Variants in ZNF469 observed in about 807,000 individuals in gnomAD.
ZNF469 encodes the protein zinc finger protein 469.
Under a neutral mutation model 1.0 loss-of-function variants are expected in ZNF469, and 1 was observed. The ratio of observed to expected loss-of-function variants is 1.00; its 90% CI spans 0.35 to 4.73. ZNF469 has a LOEUF of 4.73. Among genes scored for constraint, ZNF469 ranks in the 30% most tolerant of loss-of-function variants. ZNF469 has a pLI of 0.16. For missense variants in ZNF469, 6,100 were observed against 5,356.3 expected (o/e 1.14, Z -4.33); for synonymous variants, 2,703 against 2,363.4 (o/e 1.14, Z -4.17).
intron 1 of ZNF469, among the ~76,000 whole-genome samples, chr16:88,396,565 C>A: frequency 6.7e-6 from 1 of 149,710 alleles, no homozygotes; most frequent in East Asian, 2.0e-4. Context: ...TGAAGGGAGG[C>A]CAGATGGAGA....
At chr16:88,119,698 G>A in the ZNF469 span, among the ~76,000 whole-genome samples, 2 of 152,226 alleles carry the variant, frequency 1.3e-5, no homozygotes, top group Non-Finnish European at 1.5e-5. Context: ...AGCTCTGGAT[G>A]TGTGGGACTG....
At chr16:88,343,007 C>T in the ZNF469 span, among the ~76,000 whole-genome samples, 4 of 152,278 alleles carry the variant, frequency 2.6e-5, no homozygotes, top group South Asian at 2.1e-4. Flanking sequence ...CTGAGCTCCA[C>T]GTGGTCCACA....
In ZNF469 at chr16:88,384,861, T is replaced by C. The variant is rs573423620; in HGVS notation, c.-192+1607T>C. Among the ~76,000 whole-genome samples the C allele has an allele frequency of 1.1e-3, 175 of 152,196 alleles. 2 individuals are homozygous for C. The highest frequency in any genetic ancestry group is 2.2e-3 in the Non-Finnish European group (149 of 67,988). On this transcript the variant is annotated intron_variant, in intron 1 of 2. Coordinates refer to ENST00000565624, the MANE Select transcript of ZNF469 (RefSeq NM_001367624.2). ...GTCTCCACCAGACCCTGCCTCCAGG[T>C]TACTGACTCTGCTTGGATACCTCCA...
chr16:88,305,716 A>T, the ZNF469 span, among the ~76,000 whole-genome samples: 1 of 152,156 alleles, frequency 6.6e-6, no homozygotes, highest in East Asian at 1.9e-4. Context: ...GCATACTCTC[A>T]TACCTGCACA....
chr16:88,219,250 C>CA, the ZNF469 span, among the ~76,000 whole-genome samples: 1 of 150,652 alleles, frequency 6.6e-6, no homozygotes, highest in Non-Finnish European at 1.5e-5. Flanking sequence ...CCTTTCCTCA[C>CA]AGATTTGGAA....
the ZNF469 span, among the ~76,000 whole-genome samples, chr16:88,236,660 A>G: frequency 6.6e-6 from 1 of 152,234 alleles, no homozygotes; most frequent in African/African-American, 2.4e-5. Context: ...TGAGGTCAGG[A>G]GTTCAAGACC....
At chr16:88,136,786 G>A in the ZNF469 span, among the ~76,000 whole-genome samples, 1 of 152,212 alleles carries the variant, frequency 6.6e-6, no homozygotes, top group Non-Finnish European at 1.5e-5. Flanking sequence ...CTCATGTACC[G>A]AGCGTGCCCA....
At chr16:88,163,527 TG>T in the ZNF469 span, among the ~76,000 whole-genome samples, 1 of 150,642 alleles carries the variant, frequency 6.6e-6, no homozygotes, top group Admixed American at 6.6e-5. Context: ...GATGGATGGA[TG>T]GATGGATGGA....
chr16:88,214,870 G>T, the ZNF469 span, among the ~76,000 whole-genome samples: 2 of 152,180 alleles, frequency 1.3e-5, no homozygotes, highest in Non-Finnish European at 1.5e-5. Context: ...TGCATGGTGT[G>T]TATGTGCCAC....
intron 1 of ZNF469, among the ~76,000 whole-genome samples, chr16:88,389,433 C>T (rs932632122): frequency 6.6e-6 from 1 of 152,282 alleles, no homozygotes; most frequent in Admixed American, 6.5e-5. Context: ...CTTGCCTCCC[C>T]TGTCTGGCTG....
the ZNF469 span, among the ~76,000 whole-genome samples, chr16:88,236,558 GT>G: frequency 6.6e-6 from 1 of 152,220 alleles, no homozygotes. Context: ...CATTCAGTTG[GT>G]TGGGGAGCTT....
At chr16:88,305,710 ACT>A in the ZNF469 span, among the ~76,000 whole-genome samples, 12 of 152,146 alleles carry the variant, frequency 7.9e-5, no homozygotes, top group African/African-American at 1.9e-4. Flanking sequence ...ATACATGCAT[ACT>A]CTCATACCTG....
the ZNF469 span, among the ~76,000 whole-genome samples, chr16:88,377,370 C>T: frequency 5.2e-4 from 79 of 152,324 alleles, no homozygotes; most frequent in Admixed American, 1.5e-3. Flanking sequence ...CCGCTGGGCC[C>T]GCCACCCATG....
At chr16:88,110,048 C>G in the ZNF469 span, among the ~76,000 whole-genome samples, 1 of 152,382 alleles carries the variant, frequency 6.6e-6, no homozygotes, top group East Asian at 1.9e-4. Flanking sequence ...ATGCCTGGGC[C>G]TCACCATTGG....
At chr16:88,332,769 C>T in the ZNF469 span, among the ~76,000 whole-genome samples, 4 of 152,168 alleles carry the variant, frequency 2.6e-5, no homozygotes, top group East Asian at 1.9e-4. Flanking sequence ...CTGCTCAGGC[C>T]GGCTCTCACA....
At chr16:88,267,495 C>T in the ZNF469 span, among the ~76,000 whole-genome samples, 1 of 152,202 alleles carries the variant, frequency 6.6e-6, no homozygotes, top group Admixed American at 6.5e-5. Context: ...GGCTGGTCCA[C>T]CACGGACACA....
chr16:88,351,371 A>G, the ZNF469 span, among the ~76,000 whole-genome samples: 1 of 151,998 alleles, frequency 6.6e-6, no homozygotes. Flanking sequence ...GCAGGCCTCC[A>G]TCACCCCAGC....
At chr16:88,290,688 C>T in the ZNF469 span, among the ~76,000 whole-genome samples, 5 of 152,252 alleles carry the variant, frequency 3.3e-5, no homozygotes, top group African/African-American at 9.6e-5. Context: ...ACCTCAACTA[C>T]AGCAGAAGCT....
Position 88,428,167 on chromosome 16 carries a change from G to T in ZNF469, c.697G>T (p.Asp233Tyr). ...SYPEYQASGA[D>Y]SWPPAAENSF... ...TCCCGAATACCAGGCCAGTGGGGCC[G>T]ACTCCTGGCCTCCCGCTGCTGAGAA... is the stretch of plus-strand genomic sequence containing the variant. Residue 233 changes from aspartate to tyrosine, a missense_variant, in exon 3 of 3, where the codon GAC becomes TAC. Coordinates refer to ENST00000565624, the MANE Select transcript of ZNF469 (RefSeq NM_001367624.2). 1 of 1,550,170 alleles carries T rather than the reference G, an allele frequency of 6.5e-7. No individual in the cohort carries two copies. The highest frequency in any genetic ancestry group is 8.7e-7 in the Non-Finnish European group (1 of 1,146,886).
Sources: allele counts gnomAD v4.1 joint callset (sites outside exome capture counted in the v4.1 genomes callset), GRCh38; gene constraint gnomAD v4.1.1; transcripts MANE v1.5; gene names NCBI Gene and HGNC (gene_info 2026-07-23, HGNC 2026-07-21).